The following BICC1 variants were observed in gnomAD, a reference collection of about 807,000 sequenced individuals.
BICC1 encodes protein bicaudal C homolog 1.
Under a neutral mutation model 111.0 loss-of-function variants are expected in BICC1, and 43 were observed. That is an observed-to-expected ratio of 0.39 (90% CI 0.30 to 0.50). BICC1 has a LOEUF of 0.50. Ranked by LOEUF, BICC1 falls within the 20% of genes least tolerant of loss-of-function variation. The pLI is 0.88. For missense variants in BICC1, 1,091 were observed against 1,203.2 expected, an observed-to-expected ratio of 0.91 and a Z score of 1.38; for synonymous variants, 467 against 434.4, an observed-to-expected ratio of 1.07 and a Z score of -0.93.
intron 3 of BICC1, among the ~76,000 whole-genome samples, chr10:58,737,389 G>T (rs976831723): frequency 1.3e-5 from 2 of 152,086 alleles, no homozygotes; most frequent in African/African-American, 4.8e-5. Context: ...GAGAATGATG[G>T]TTTCCAGCTT....
At chr10:58,763,065 A>AC (rs397743961) in intron 3 of BICC1, among the ~76,000 whole-genome samples, 2 of 151,898 alleles carry the variant, frequency 1.3e-5, no homozygotes, top group Non-Finnish European at 2.9e-5. Flanking sequence ...AGGAAAAAAA[A>AC]CACTGAGTTT....
chr10:58,622,579 G>C (rs758089733), intron 2 of BICC1, among the ~76,000 whole-genome samples: 3 of 152,198 alleles, frequency 2.0e-5, no homozygotes, highest in Non-Finnish European at 2.9e-5. Context: ...CTAGATGGGA[G>C]TACATTTTAT....
chr10:58,711,812 T>TG (rs1253342729), intron 3 of BICC1, among the ~76,000 whole-genome samples: 1 of 151,284 alleles, frequency 6.6e-6, no homozygotes, highest in African/African-American at 2.4e-5. Context: ...TTTTTTGTTT[T>TG]TTTTTTTTAA....
chr10:58,708,707 G>T (rs1840477906), intron 3 of BICC1, among the ~76,000 whole-genome samples: 1 of 31,646 alleles, frequency 3.2e-5, no homozygotes, highest in East Asian at 1.1e-3. Flanking sequence ...TACTTGGCCT[G>T]TGCCATGTTG....
chr10:58,710,374 CA>C (rs1304974517), intron 3 of BICC1, among the ~76,000 whole-genome samples: 1 of 152,146 alleles, frequency 6.6e-6, no homozygotes, highest in Non-Finnish European at 1.5e-5. Flanking sequence ...CTTCAGCAAC[CA>C]TTGCCAAGAT....
At chr10:58,806,762 CTGTTGAATATATTT>C in intron 16 of BICC1, 139 bp downstream of exon 16, 1 of 834,986 alleles carries the variant, frequency 1.2e-6, no homozygotes, top group East Asian at 2.5e-5. Context: ...TGCATACATT[CTGTTGAATATATTT>C]TGTTGAATGG....
At chr10:58,516,550 A>G (rs1004843081) in intron 1 of BICC1, among the ~76,000 whole-genome samples, 2 of 152,158 alleles carry the variant, frequency 1.3e-5, no homozygotes, top group African/African-American at 4.8e-5. Context: ...CATGCAGAGT[A>G]TCTGATGTTT....
At chr10:58,813,290 T>G (rs1243574901) in intron 17 of BICC1, among the ~76,000 whole-genome samples, 3 of 152,198 alleles carry the variant, frequency 2.0e-5, no homozygotes, top group Non-Finnish European at 2.9e-5. Flanking sequence ...TTTAAAGAGA[T>G]AAATTACTCC....
At chr10:58,573,500 T>G (rs2393448) in intron 1 of BICC1, among the ~76,000 whole-genome samples, 69,907 of 151,950 alleles carry the variant, frequency 0.46, 17,103 homozygotes, top group Admixed American at 0.62. Flanking sequence ...ACCAATTTGA[T>G]GGATTATAAT....
chr10:58,709,028 C>T (rs1010701984), intron 3 of BICC1, among the ~76,000 whole-genome samples: 6 of 152,162 alleles, frequency 3.9e-5, no homozygotes. Context: ...GCATATCCAT[C>T]ACCTCCAGCA....
chr10:58,811,585 A>G (rs930012791), intron 17 of BICC1, among the ~76,000 whole-genome samples: 1 of 152,090 alleles, frequency 6.6e-6, no homozygotes, highest in Admixed American at 6.6e-5. Flanking sequence ...ATAATTCCAC[A>G]AATACTAAGC....
chr10:58,535,001 G>A (rs1203127715), intron 1 of BICC1, among the ~76,000 whole-genome samples: 1 of 151,524 alleles, frequency 6.6e-6, no homozygotes, highest in Non-Finnish European at 1.5e-5. Context: ...CAATTTCAGA[G>A]CTTGAAGACA....
At chr10:58,752,910 C>T (rs911121669) in intron 3 of BICC1, among the ~76,000 whole-genome samples, 1 of 152,062 alleles carries the variant, frequency 6.6e-6, no homozygotes, top group Non-Finnish European at 1.5e-5. Flanking sequence ...TGCAGGTGAC[C>T]AGGGACCGAG....
At chr10:58,574,506 C>A (rs1486931328) in intron 1 of BICC1, among the ~76,000 whole-genome samples, 1 of 128,222 alleles carries the variant, frequency 7.8e-6, no homozygotes, top group Non-Finnish European at 1.8e-5. Flanking sequence ...TTCACAAATA[C>A]AAGCTTAATT....
At chr10:58,566,372 G>A (rs1843765164) in intron 1 of BICC1, among the ~76,000 whole-genome samples, 1 of 151,672 alleles carries the variant, frequency 6.6e-6, no homozygotes. Flanking sequence ...ACACATATAT[G>A]TACACCACGA....
intron 12 of BICC1, 66 bp downstream of exon 12, chr10:58,799,318 A>G (rs1017462311): frequency 7.8e-7 from 1 of 1,284,558 alleles, no homozygotes. Flanking sequence ...CCCCTGGTAA[A>G]GTTAAAACAT....
intron 2 of BICC1, among the ~76,000 whole-genome samples, chr10:58,653,762 T>C (rs1218600744): frequency 6.6e-6 from 1 of 150,940 alleles, no homozygotes; most frequent in East Asian, 2.0e-4. Context: ...ACATGTGCCA[T>C]GCTGGTGTGC....
intron 3 of BICC1, among the ~76,000 whole-genome samples, chr10:58,736,474 T>C (rs543761691): frequency 1.6e-4 from 25 of 152,314 alleles, no homozygotes; most frequent in African/African-American, 6.0e-4. Context: ...TTGCACTTAG[T>C]CTTTTTGTGA....
intron 3 of BICC1, among the ~76,000 whole-genome samples, chr10:58,709,514 C>A (rs375771959): frequency 1.4e-3 from 220 of 152,298 alleles, no homozygotes; most frequent in Non-Finnish European, 2.5e-3. Context: ...TTTTGTGAAT[C>A]CGTCTATCCC....
Sources: allele counts gnomAD v4.1 joint callset (sites outside exome capture counted in the v4.1 genomes callset), GRCh38; gene constraint gnomAD v4.1.1; transcripts MANE v1.5; gene names NCBI Gene and HGNC (gene_info 2026-07-23, HGNC 2026-07-21).